Variants in RNF150 observed in about 807,000 individuals in gnomAD.
RNF150 encodes the protein ring finger protein 150.
Under a neutral mutation model 39.3 loss-of-function variants are expected in RNF150, and 24 were observed. The ratio of observed to expected loss-of-function variants is 0.61; its 90% confidence interval spans 0.44 to 0.86. The LOEUF (loss-of-function observed/expected upper bound fraction) is 0.86, where lower values mean the gene tolerates loss of function less well. Among genes scored for constraint, RNF150 ranks in the 40% least tolerant of loss-of-function variants. RNF150 has a pLI of 0.00. For synonymous variants in RNF150, 255 were observed against 227.3 expected (o/e 1.12, Z -1.10); for missense variants, 502 against 587.8 (o/e 0.85, Z 1.51).
chr4:140,921,701 T>C (rs1294891323), intron 5 of RNF150, among the ~76,000 whole-genome samples: 1 of 152,142 alleles, frequency 6.6e-6, no homozygotes, highest in East Asian at 1.9e-4. Context: ...TTGATGAACA[T>C]TGATCCAAAA....
upstream of RNF150, among the ~76,000 whole-genome samples, chr4:141,134,789 C>T (rs1726999523): frequency 6.6e-6 from 1 of 152,194 alleles, no homozygotes; most frequent in African/African-American, 2.4e-5. Context: ...GTGGAGACAC[C>T]TGGCTGCTGG....
At chr4:141,000,088 A>AG (rs1180514842) in intron 1 of RNF150, among the ~76,000 whole-genome samples, 1 of 80,432 alleles carries the variant, frequency 1.2e-5, no homozygotes. Flanking sequence ...AAGAAGAAGG[A>AG]GAAGAAGAAG....
At chr4:141,171,312 G>T (rs1335324835) in intron 1 of RNF150, among the ~76,000 whole-genome samples, 1 of 152,096 alleles carries the variant, frequency 6.6e-6, no homozygotes, top group African/African-American at 2.4e-5. Flanking sequence ...ACACCTCTTG[G>T]GAGAGATTAT....
chr4:141,063,565 T>C (rs777075909), intron 1 of RNF150, among the ~76,000 whole-genome samples: 2 of 152,142 alleles, frequency 1.3e-5, no homozygotes, highest in African/African-American at 4.8e-5. Flanking sequence ...AAGCAAATTG[T>C]TTTTCTGAAA....
At position 141,024,750 on chromosome 4, in the gene RNF150, C is replaced by T. The variant is rs150109761; in HGVS notation, c.485-56877G>A. 5.4e-3 allele frequency among the ~76,000 whole-genome samples: 814 copies of T among 152,140 alleles called. 10 individuals are homozygous for T. Among genetic ancestry groups the T allele is most frequent in the African/African-American group, 0.019 (782 of 41,526 alleles). Reference sequence around the variant, plus strand: ...ATAAGGATCATTTATACAGGCAAAACGGAGGTGCTGACCAGAAGTACATTT... The same window carrying T: ...ATAAGGATCATTTATACAGGCAAAATGGAGGTGCTGACCAGAAGTACATTT... On this transcript the variant is annotated intron_variant, in intron 1 of 6. Transcript: ENST00000515673.
intron 4 of RNF150, among the ~76,000 whole-genome samples, chr4:140,943,137 C>T (rs569861775): frequency 1.8e-3 from 269 of 152,232 alleles, no homozygotes; most frequent in Middle Eastern, 0.01. Flanking sequence ...ATATAAGCAC[C>T]AACATCCCAG....
chr4:140,980,676 G>C (rs775086621), intron 1 of RNF150, among the ~76,000 whole-genome samples: 34 of 152,050 alleles, frequency 2.2e-4, no homozygotes, highest in Non-Finnish European at 4.4e-4. Flanking sequence ...TTCCCCCTTT[G>C]CTCAGCTCTC....
intron 6 of RNF150, among the ~76,000 whole-genome samples, chr4:140,905,633 G>T (rs1040654066): frequency 1.3e-5 from 2 of 151,522 alleles, no homozygotes; most frequent in Admixed American, 6.6e-5. Context: ...AGTGAAAGGG[G>T]TGGAGAAAGG....
intron 5 of RNF150, among the ~76,000 whole-genome samples, chr4:140,921,567 G>T (rs2111307768): frequency 6.6e-6 from 1 of 152,236 alleles, no homozygotes; most frequent in East Asian, 1.9e-4. Flanking sequence ...CATTCCTTTT[G>T]AAACTATTCC....
chr4:141,107,805 T>C (rs1560742465), intron 1 of RNF150, among the ~76,000 whole-genome samples: 1 of 152,262 alleles, frequency 6.6e-6, no homozygotes. Flanking sequence ...GCCATTCAAA[T>C]GGGATATATC....
chr4:141,189,904 A>T (rs1275647045), intron 1 of RNF150, among the ~76,000 whole-genome samples: 1 of 152,118 alleles, frequency 6.6e-6, no homozygotes, highest in Non-Finnish European at 1.5e-5. Context: ...CAGGGGAGTG[A>T]ATGGTTCTGT....
At chr4:141,040,072 G>T (rs964847437) in intron 1 of RNF150, among the ~76,000 whole-genome samples, 11 of 151,984 alleles carry the variant, frequency 7.2e-5, no homozygotes, top group African/African-American at 2.7e-4. Context: ...GCACAAGCTG[G>T]AATAAACTTA....
chr4:141,002,610 A>G (rs527240112), intron 1 of RNF150, among the ~76,000 whole-genome samples: 10 of 152,144 alleles, frequency 6.6e-5, no homozygotes, highest in Admixed American at 2.0e-4. Context: ...TTGGCCTAAT[A>G]CCACTGACAA....
At chr4:140,988,992 G>A (rs948026592) in intron 1 of RNF150, among the ~76,000 whole-genome samples, 76 of 151,574 alleles carry the variant, frequency 5.0e-4, no homozygotes, top group African/African-American at 1.6e-3. Context: ...ATCACACACC[G>A]GGTAGTTTTT....
intron 1 of RNF150, among the ~76,000 whole-genome samples, chr4:141,121,867 G>C (rs1371010482): frequency 6.6e-6 from 1 of 152,154 alleles, no homozygotes; most frequent in Non-Finnish European, 1.5e-5. Flanking sequence ...AAGAACTTGA[G>C]GGAGATTTCA....
chr4:140,926,234 C>A (rs1560971192), intron 4 of RNF150, among the ~76,000 whole-genome samples, 161 bp from the exon 5 acceptor site: 1 of 152,184 alleles, frequency 6.6e-6, no homozygotes, highest in Non-Finnish European at 1.5e-5. Context: ...CCTGTTATAA[C>A]CTGTGGTGAT....
At chr4:141,189,238 C>T (rs1274315847) in intron 1 of RNF150, among the ~76,000 whole-genome samples, 1 of 152,220 alleles carries the variant, frequency 6.6e-6, no homozygotes, top group Non-Finnish European at 1.5e-5. Flanking sequence ...GGCTGCAGAA[C>T]AGCATGTTGC....
At chr4:141,136,932 G>A (rs559313734), upstream of RNF150, among the ~76,000 whole-genome samples, 1 of 152,156 alleles carries the variant, frequency 6.6e-6, no homozygotes, top group Non-Finnish European at 1.5e-5. Flanking sequence ...AAAGAAATAA[G>A]GATTCTATGT....
chr4:141,153,008 A>C (rs1426971272), intron 1 of RNF150, among the ~76,000 whole-genome samples: 1 of 152,212 alleles, frequency 6.6e-6, no homozygotes, highest in Non-Finnish European at 1.5e-5. Context: ...TTGAGTTACC[A>C]GAAGGGTATT....
Sources: gnomAD v4.1 joint callset for allele counts (sites outside exome capture counted in the v4.1 genomes callset) on GRCh38, gnomAD v4.1.1 for gene constraint, MANE v1.5 for transcripts, NCBI Gene and HGNC (gene_info 2026-07-23, HGNC 2026-07-21) for gene names.